The following OPCML variants were observed in gnomAD, a reference collection of about 807,000 sequenced individuals.
OPCML encodes the protein opioid binding protein/cell adhesion molecule like.
A neutral mutation model predicts 37.8 loss-of-function variants in OPCML; 13 were observed. The observed-to-expected ratio is 0.34, with a 90% CI of 0.22 to 0.55. OPCML has a LOEUF of 0.55. OPCML is among the 20% of genes least tolerant of loss of function. The pLI is 0.91. For missense variants in OPCML, 341 were observed against 435.6 expected (o/e 0.78, Z 1.93); for synonymous variants, 176 against 168.8 (o/e 1.04, Z -0.33).
At chr11:132,955,398 TA>T (rs1303743481) in intron 1 of OPCML, among the ~76,000 whole-genome samples, 2 of 152,028 alleles carry the variant, frequency 1.3e-5, no homozygotes, top group Non-Finnish European at 2.9e-5. Context: ...AACCAATATT[TA>T]AAAAATAGTG....
intron 1 of OPCML, among the ~76,000 whole-genome samples, chr11:133,296,343 C>T (rs1261460177): frequency 1.3e-5 from 2 of 152,088 alleles, no homozygotes; most frequent in Middle Eastern, 3.2e-3. Context: ...GGTGCAGATT[C>T]CAGTCATTGT....
At chr11:133,372,057 G>A (rs1565598850) in intron 1 of OPCML, among the ~76,000 whole-genome samples, 1 of 152,044 alleles carries the variant, frequency 6.6e-6, no homozygotes, top group African/African-American at 2.4e-5. Context: ...GTTGATTGAT[G>A]GGTACAAAGA....
chr11:132,882,587 G>A (rs564498718), intron 2 of OPCML, among the ~76,000 whole-genome samples: 4 of 152,146 alleles, frequency 2.6e-5, no homozygotes, highest in Non-Finnish European at 4.4e-5. Flanking sequence ...CTCACGGGAC[G>A]TATATTTATG....
rs372004403 is a variant in OPCML, at chr11:133,439,490, T to C, written c.61+92774A>G. ...TTTTTGTTTTTTTTCTTTTTTGAGATGGAGTCTCACTCTGTCGCCCAGGCT... is the reference window on the plus strand; with the variant it reads ...TTTTTGTTTTTTTTCTTTTTTGAGACGGAGTCTCACTCTGTCGCCCAGGCT... On this transcript the variant is annotated intron_variant, in intron 1 of 7. Transcript: ENST00000524381. 1.5e-4 allele frequency: 144 copies of C among 956,914 alleles called. 1 individual carries two copies. The highest frequency in any genetic ancestry group is 8.6e-4 in the Admixed American group (14 of 16,224). 59.3% of individuals were successfully genotyped at this position (956,914 alleles called of 1,614,324 possible).
chr11:133,478,306 C>A (rs993522949), intron 1 of OPCML, among the ~76,000 whole-genome samples: 2 of 152,178 alleles, frequency 1.3e-5, no homozygotes, highest in Non-Finnish European at 2.9e-5. Flanking sequence ...CCCTCCAGCA[C>A]CTCCTCCTTC....
chr11:132,794,830 T>C (rs1938201850), intron 2 of OPCML, among the ~76,000 whole-genome samples: 2 of 151,950 alleles, frequency 1.3e-5, no homozygotes, highest in African/African-American at 4.8e-5. Context: ...ACAATGCACT[T>C]TATACAACTT....
chr11:133,179,528 C>A (rs1167666905), intron 1 of OPCML, among the ~76,000 whole-genome samples: 1 of 152,104 alleles, frequency 6.6e-6, no homozygotes, highest in South Asian at 2.1e-4. Context: ...GAGCGGCACT[C>A]TCTTTCTTCT....
At chr11:133,095,369 C>A (rs1948985518) in intron 1 of OPCML, among the ~76,000 whole-genome samples, 1 of 121,308 alleles carries the variant, frequency 8.2e-6, no homozygotes, top group Non-Finnish European at 1.6e-5. Context: ...ACCTAAGAAA[C>A]CAAAGGGAAG....
At chr11:132,971,567 T>C (rs1946344151) in intron 1 of OPCML, among the ~76,000 whole-genome samples, 1 of 152,182 alleles carries the variant, frequency 6.6e-6, no homozygotes. Flanking sequence ...CTCTGATCAG[T>C]GACTTGGAAT....
intron 7 of OPCML, among the ~76,000 whole-genome samples, chr11:132,424,655 G>T (rs1444386460): frequency 6.6e-6 from 1 of 152,102 alleles, no homozygotes; most frequent in Non-Finnish European, 1.5e-5. Flanking sequence ...CTGACCCTGT[G>T]GGTTGCCAGC....
chr11:133,020,066 C>G (rs566680790), intron 1 of OPCML, among the ~76,000 whole-genome samples: 1 of 152,160 alleles, frequency 6.6e-6, no homozygotes, highest in Non-Finnish European at 1.5e-5. Flanking sequence ...CGGATGCGGT[C>G]GGAATGAGCT....
At chr11:132,558,631 T>C (rs1392106084) in intron 3 of OPCML, among the ~76,000 whole-genome samples, 2 of 151,016 alleles carry the variant, frequency 1.3e-5, no homozygotes, top group Non-Finnish European at 2.9e-5. Flanking sequence ...ACCATCCTGT[T>C]TGAGTTTTGT....
chr11:133,483,211 A>T (rs1048572536), intron 1 of OPCML, among the ~76,000 whole-genome samples: 1 of 152,142 alleles, frequency 6.6e-6, no homozygotes, highest in Admixed American at 6.5e-5. Flanking sequence ...ACCAGTTTGT[A>T]TCTGGAAGAA....
Position 133,412,219 on chromosome 11 carries a change from T to C in OPCML, c.61+120045A>G, listed in dbSNP as rs116375793. Among the ~76,000 whole-genome samples the C allele has an allele frequency of 6.5e-3, 983 of 152,296 alleles. 9 individuals carry two copies. Among genetic ancestry groups the C allele is most frequent in the African/African-American group, 0.022 (923 of 41,566 alleles). ...AGGAATAATCATGAGAACAGTGACC[T>C]GAAAAGAACAATTGGAGAGGCCCAC... is the stretch of plus-strand genomic sequence containing the variant. On this transcript the variant is annotated intron_variant, in intron 1 of 7. Transcript: ENST00000524381.
chr11:133,331,369 T>C (rs1414964933), intron 1 of OPCML, among the ~76,000 whole-genome samples: 1 of 152,140 alleles, frequency 6.6e-6, no homozygotes, highest in East Asian at 1.9e-4. Flanking sequence ...CCCACCCCAG[T>C]CCTCTCTACT....
At chr11:133,383,312 A>C (rs1221576562) in intron 1 of OPCML, among the ~76,000 whole-genome samples, 1 of 152,150 alleles carries the variant, frequency 6.6e-6, no homozygotes. Flanking sequence ...CCCTTGCTGG[A>C]ACTGCCGTAT....
intron 1 of OPCML, among the ~76,000 whole-genome samples, chr11:133,103,660 G>A (rs1949117479): frequency 6.6e-6 from 1 of 152,160 alleles, no homozygotes; most frequent in Admixed American, 6.5e-5. Flanking sequence ...GTGTTGTTGT[G>A]TTAAAAATGA....
chr11:132,683,842 G>C (rs75499682), intron 2 of OPCML, among the ~76,000 whole-genome samples: 2,990 of 152,198 alleles, frequency 0.02, 99 homozygotes, highest in African/African-American at 0.068. Context: ...CTCTGAGTGA[G>C]TTTTGCCCTC....
intron 1 of OPCML, among the ~76,000 whole-genome samples, chr11:133,437,317 G>A (rs1946253862): frequency 6.6e-6 from 1 of 152,164 alleles, no homozygotes; most frequent in African/African-American, 2.4e-5. Flanking sequence ...GGGCTAAGAT[G>A]AGATGGCGGG....
Sources: allele counts gnomAD v4.1 joint callset (sites outside exome capture counted in the v4.1 genomes callset), GRCh38; gene constraint gnomAD v4.1.1; transcripts MANE v1.5; gene names NCBI Gene and HGNC (gene_info 2026-07-23, HGNC 2026-07-21).